GCNT1: variants seen among roughly 807,000 people sequenced by gnomAD.
GCNT1 encodes the protein glucosaminyl (N-acetyl) transferase 1, also known as beta-1,3-galactosyl-O-glycosyl-glycoprotein beta-1,6-N-acetylglucosaminyltransferase.
In GCNT1, 16 loss-of-function variants were observed where a neutral mutation model predicts 26.2. The observed-to-expected ratio is 0.61, with a 90% CI of 0.41 to 0.93. GCNT1 has a LOEUF of 0.93. Ranked by LOEUF, GCNT1 falls within the 40% of genes least tolerant of loss-of-function variation. The pLI is 0.00. For synonymous variants in GCNT1, 183 were observed against 190.8 expected, an observed-to-expected ratio of 0.96 and a Z score of 0.34; for missense variants, 477 against 526.7, an observed-to-expected ratio of 0.91 and a Z score of 0.92.
intron 1 of GCNT1, among the ~76,000 whole-genome samples, chr9:76,429,854 A>G (rs928221210): frequency 6.6e-6 from 1 of 151,408 alleles, no homozygotes; most frequent in African/African-American, 2.4e-5. Context: ...AGCTGGGACT[A>G]CACGCACCCG....
upstream of GCNT1, among the ~76,000 whole-genome samples, chr9:76,458,658 C>G (rs1364491327): frequency 1.3e-5 from 2 of 152,138 alleles, no homozygotes; most frequent in African/African-American, 2.4e-5. Context: ...TTTTTTCCTA[C>G]TTTCCACAGC....
intron 2 of GCNT1, among the ~76,000 whole-genome samples, chr9:76,491,614 C>A (rs1824739557): frequency 6.6e-6 from 1 of 152,198 alleles, no homozygotes; most frequent in African/African-American, 2.4e-5. Context: ...TGTTACATCA[C>A]TAACTGTGGC....
intron 2 of GCNT1, among the ~76,000 whole-genome samples, chr9:76,468,648 G>A (rs1824061158): frequency 1.3e-5 from 2 of 152,188 alleles, no homozygotes; most frequent in African/African-American, 4.8e-5. Context: ...CGTAAGAGTG[G>A]TTGAGTTTAC....
In GCNT1 at chr9:76,503,712, C is replaced by T. The variant is rs112742079; in HGVS notation, c.*44C>T. 6.4e-3 allele frequency: 9,232 copies of T among 1,453,236 alleles called. 414 individuals are homozygous for T. The African/African-American group carries it at 0.11, about 18-fold the overall frequency. The allele number at this position is 1,453,236 out of a possible 1,614,324, so 90.0% of individuals were successfully genotyped here. ...TGAACAAGAAGAAGGATACACAAAA[C>T]GTACCCTTATCTGTTTCCCCTTCCT... On this transcript the variant is annotated 3_prime_UTR_variant, in exon 4 of 4. Transcript: ENST00000376730.
rs398046579 is a variant in GCNT1, at chr9:76,435,951, C to CTTT, written n.38+16084_38+16086dup. The stretch of plus-strand genomic sequence containing the variant: ...GAGTGCTAAGCAGTAGTTCCCATAT[C>CTTT]TTTTTTTTTTTTTTTTTTTTTTGAG... On this transcript the variant is annotated intron_variant and non_coding_transcript_variant, in intron 1 of 3. Transcript: ENST00000488136. 1.7e-3 allele frequency among the ~76,000 whole-genome samples: 187 copies of CTTT among 111,958 alleles called. 1 individual carries two copies. The highest frequency in any genetic ancestry group is 2.3e-3 in the Non-Finnish European group (131 of 56,552). 73.4% of individuals were successfully genotyped at this position (111,958 alleles called of 152,430 possible). A position where few individuals can be genotyped will look rare whatever the true frequency, so the allele number is the denominator to read the frequency against.
chr9:76,499,783 TGTG>T (rs1158557148), intron 2 of GCNT1, among the ~76,000 whole-genome samples: 1 of 152,206 alleles, frequency 6.6e-6, no homozygotes, highest in Non-Finnish European at 1.5e-5. Context: ...CTTACATTAG[TGTG>T]GTACATTTTT....
At chr9:76,493,956 G>A (rs1048045167) in intron 2 of GCNT1, among the ~76,000 whole-genome samples, 1 of 152,090 alleles carries the variant, frequency 6.6e-6, no homozygotes, top group African/African-American at 2.4e-5. Context: ...TTCTTTTTCA[G>A]GGTTTGCAGG....
At chr9:76,464,039 T>G (rs957602537) in intron 2 of GCNT1, among the ~76,000 whole-genome samples, 33 of 59,704 alleles carry the variant, frequency 5.5e-4, no homozygotes, top group African/African-American at 4.2e-3. Flanking sequence ...TCTTTTTTTG[T>G]TTTTTTTTTT....
chr9:76,403,754 G>A, the GCNT1 span, among the ~76,000 whole-genome samples: 1 of 152,258 alleles, frequency 6.6e-6, no homozygotes, highest in East Asian at 1.9e-4. Flanking sequence ...GCTTTTTGAT[G>A]TTTCCTTTGA....
chr9:76,461,507 C>T (rs756897020), intron 2 of GCNT1, among the ~76,000 whole-genome samples: 4 of 151,458 alleles, frequency 2.6e-5, no homozygotes, highest in Admixed American at 6.6e-5. Context: ...TGCTTGAACC[C>T]GGGAGGCGGA....
chr9:76,470,750 AATT>A (rs1336746860), intron 2 of GCNT1, among the ~76,000 whole-genome samples: 4 of 152,180 alleles, frequency 2.6e-5, no homozygotes, highest in Admixed American at 6.5e-5. Flanking sequence ...AAATATATAC[AATT>A]ATTATTTGTC....
intron 1 of GCNT1, among the ~76,000 whole-genome samples, chr9:76,459,828 C>G (rs911876272): frequency 6.6e-6 from 1 of 152,150 alleles, no homozygotes; most frequent in Admixed American, 6.5e-5. Flanking sequence ...TTAGGGGCTC[C>G]GAAGCCTCTC....
Position 76,450,877 on chromosome 9 carries a change from T to A in GCNT1, c.-290+8562T>A, listed in dbSNP as rs113319772. 8.5e-5 allele frequency among the ~76,000 whole-genome samples: 13 copies of A among 152,388 alleles called. No homozygotes were observed. The South Asian group carries it at 1.0e-3, about 12-fold the overall frequency. Reference sequence around the variant, plus strand: ...ATTTAACACTTTAATGTATTAACTATATCAAACTATTTTGTGTGTGATTTT... The same window carrying A: ...ATTTAACACTTTAATGTATTAACTAAATCAAACTATTTTGTGTGTGATTTT... On this transcript the variant is annotated intron_variant, in intron 1 of 2. Coordinates refer to the GCNT1 transcript ENST00000442371.
At chr9:76,443,692 G>A (rs940382079) in intron 1 of GCNT1, among the ~76,000 whole-genome samples, 1 of 152,186 alleles carries the variant, frequency 6.6e-6, no homozygotes, top group African/African-American at 2.4e-5. Context: ...GATTTTGGGG[G>A]ATTTGTTCCC....
intron 2 of GCNT1, among the ~76,000 whole-genome samples, chr9:76,493,737 A>G (rs4744788): frequency 0.21 from 32,011 of 152,124 alleles, 4,631 homozygotes; most frequent in East Asian, 0.57. Flanking sequence ...CCTGTGGGAT[A>G]TAAATTGCAA....
chr9:76,403,683 C>A, the GCNT1 span, among the ~76,000 whole-genome samples: 4 of 152,180 alleles, frequency 2.6e-5, no homozygotes, highest in Non-Finnish European at 5.9e-5. Context: ...ATGGCTACTG[C>A]ATTCTATCTT....
upstream of GCNT1, among the ~76,000 whole-genome samples, chr9:76,454,721 C>A (rs185144810): frequency 8.1e-4 from 123 of 152,034 alleles, no homozygotes; most frequent in East Asian, 0.019. Flanking sequence ...CCTGCTCTTG[C>A]TTGCTCTCTC....
In GCNT1 at chr9:76,443,211, T is replaced by C. The variant is rs141525744; in HGVS notation, c.-290+896T>C. On this transcript the variant is annotated intron_variant, in intron 1 of 2. Transcript: ENST00000442371. Reference sequence around the variant, plus strand: ...ACCCCGTCTGTGAAGACCAGCTCGGTTGGGGAGACCCTAACCCAGTGGTGC... The same window carrying C: ...ACCCCGTCTGTGAAGACCAGCTCGGCTGGGGAGACCCTAACCCAGTGGTGC... Among the ~76,000 whole-genome samples the C allele has an allele frequency of 3.5e-3, 535 of 152,142 alleles. 3 individuals carry two copies. The highest frequency in any genetic ancestry group is 0.011 in the African/African-American group (467 of 41,490).
rs2131569783 is a variant in GCNT1, at chr9:76,420,520, C to T, written n.38+633C>T. 3.3e-5 allele frequency: 5 copies of T among 152,256 alleles called. No individual in the cohort carries two copies. In the South Asian group the frequency reaches 1.0e-3, roughly 32 times the overall value. The allele number at this position is 152,256 out of a possible 1,614,324, so 9.4% of individuals were successfully genotyped here. On this transcript the variant is annotated intron_variant and non_coding_transcript_variant, in intron 1 of 3. Transcript: ENST00000488136. ...GAACTCCTGGGCTCAAGCAATTCTC[C>T]AGGCTCAGCCTCCCATTTAGCTGGG...
Sources: gnomAD v4.1 joint callset for allele counts (sites outside exome capture counted in the v4.1 genomes callset) on GRCh38, gnomAD v4.1.1 for gene constraint, MANE v1.5 for transcripts, NCBI Gene and HGNC (gene_info 2026-07-23, HGNC 2026-07-21) for gene names.